The following DYM variants were observed in gnomAD, a reference collection of about 807,000 sequenced individuals.
DYM encodes dyggve-Melchior-Clausen syndrome protein.
A neutral mutation model predicts 93.1 loss-of-function variants in DYM; 78 were observed. That is an observed-to-expected ratio of 0.84 (90% CI 0.70 to 1.01). The LOEUF is 1.01. Among genes scored for constraint, DYM ranks in the 50% least tolerant of loss-of-function variants. DYM has a pLI of 0.00. For synonymous variants in DYM, 321 were observed against 319.7 expected (o/e 1.00, Z -0.04); for missense variants, 789 against 845.0 (o/e 0.93, Z 0.82).
chr18:49,455,998 C>T (rs1179593691), intron 1 of DYM, among the ~76,000 whole-genome samples: 4 of 151,928 alleles, frequency 2.6e-5, no homozygotes, highest in Non-Finnish European at 5.9e-5. Context: ...CCAGTCCTCT[C>T]TTCCTTTTAG....
chr18:49,386,202 G>A (rs1015319828), intron 3 of DYM, among the ~76,000 whole-genome samples: 10 of 151,968 alleles, frequency 6.6e-5, no homozygotes, highest in Admixed American at 3.3e-4. Context: ...TACAATTAAC[G>A]TCAGATTTAT....
intron 16 of DYM, among the ~76,000 whole-genome samples, chr18:49,105,512 T>C (rs1188714337): frequency 6.6e-6 from 1 of 152,248 alleles, no homozygotes; most frequent in East Asian, 1.9e-4. Context: ...GGTGTCAATT[T>C]TAGATCTGTC....
At chr18:49,398,364 A>G (rs913668694) in intron 2 of DYM, among the ~76,000 whole-genome samples, 1 of 152,124 alleles carries the variant, frequency 6.6e-6, no homozygotes, top group Non-Finnish European at 1.5e-5. Context: ...TATGTGCAGC[A>G]TGTCTCCGCT....
chr18:49,089,804 C>T (rs1028182393), intron 17 of DYM, among the ~76,000 whole-genome samples: 1 of 152,140 alleles, frequency 6.6e-6, no homozygotes, highest in African/African-American at 2.4e-5. Flanking sequence ...GACCAGATTC[C>T]TTCTTAGATA....
intron 13 of DYM, among the ~76,000 whole-genome samples, chr18:49,227,565 C>T (rs1158234808): frequency 6.6e-6 from 1 of 152,154 alleles, no homozygotes; most frequent in East Asian, 1.9e-4. Flanking sequence ...CATCCACAGT[C>T]TCTCACCCTT....
chr18:49,168,724 C>G lies in DYM; in HGVS notation c.1626-4937G>C, dbSNP rs151089550. Reference sequence around the variant, plus strand: ...TGAGAAAAAAAAAATTTTTACAATACTGAAATCAGAGAATTCCATGGGTCT... The same window carrying G: ...TGAGAAAAAAAAAATTTTTACAATAGTGAAATCAGAGAATTCCATGGGTCT... On this transcript the variant is annotated intron_variant, in intron 14 of 17. Transcript: ENST00000675505. 4.3e-3 allele frequency among the ~76,000 whole-genome samples: 648 copies of G among 152,220 alleles called. 2 individuals are homozygous for G. Among genetic ancestry groups the G allele is most frequent in the Non-Finnish European group, 5.9e-3 (400 of 68,026 alleles).
At chr18:49,335,342 G>A (rs1314286719) in intron 6 of DYM, among the ~76,000 whole-genome samples, 1 of 152,088 alleles carries the variant, frequency 6.6e-6, no homozygotes, top group Non-Finnish European at 1.5e-5. Flanking sequence ...GCACATGCCT[G>A]TAATCCCAGC....
At chr18:49,282,214 G>C (rs773494766) in intron 9 of DYM, 39 bp from the exon 10 acceptor site, 2 of 1,548,746 alleles carry the variant, frequency 1.3e-6, no homozygotes, top group South Asian at 2.2e-5. Context: ...ATTTCTAGCT[G>C]TGCTTTATAT....
rs141785540 is a variant in DYM at position 49,387,011 on chromosome 18, C to G, written c.193+4582G>C. The stretch of plus-strand genomic sequence containing the variant: ...TAGGCTGAATGTCGTAGTGTGATCA[C>G]AGCTCACTGCAGCCTCAACCTCCCA... On this transcript the variant is annotated intron_variant, in intron 3 of 17. Transcript: ENST00000675505. Among the ~76,000 whole-genome samples, 3 of 150,256 alleles carry G rather than the reference C, an allele frequency of 2.0e-5. No homozygotes were observed. The East Asian group carries it at 5.9e-4, about 30-fold the overall frequency.
At chr18:49,432,200 G>A (rs143252257) in intron 1 of DYM, among the ~76,000 whole-genome samples, 1 of 152,032 alleles carries the variant, frequency 6.6e-6, no homozygotes, top group African/African-American at 2.4e-5. Context: ...GCATGGTGGT[G>A]CATGCCTGTA....
chr18:49,300,211 T>C (rs12604697), intron 8 of DYM, among the ~76,000 whole-genome samples: 12,039 of 151,156 alleles, frequency 0.08, 754 homozygotes, highest in East Asian at 0.31. Context: ...TCAACAATAA[T>C]ATATATTTTG....
intron 11 of DYM, among the ~76,000 whole-genome samples, chr18:49,268,542 C>T (rs2094610974): frequency 6.6e-6 from 1 of 152,086 alleles, no homozygotes; most frequent in African/African-American, 2.4e-5. Flanking sequence ...TAGAAAATAG[C>T]ACAATAAAAA....
chr18:49,280,504 C>T (rs1486565515), intron 10 of DYM, among the ~76,000 whole-genome samples: 2 of 152,078 alleles, frequency 1.3e-5, no homozygotes, highest in African/African-American at 2.4e-5. Flanking sequence ...TGGCAGCGAC[C>T]GAGATGATTT....
chr18:49,388,903 C>T (rs1301218007), intron 3 of DYM, among the ~76,000 whole-genome samples: 2 of 97,750 alleles, frequency 2.0e-5, no homozygotes, highest in Non-Finnish European at 4.1e-5. Context: ...AAAAATAGCA[C>T]ATTTTCAGAC....
At chr18:49,450,274 G>A (rs1240426075) in intron 1 of DYM, among the ~76,000 whole-genome samples, 1 of 152,184 alleles carries the variant, frequency 6.6e-6, no homozygotes, top group East Asian at 1.9e-4. Flanking sequence ...GTTGTAAAGG[G>A]TTTGTAAAGA....
intron 15 of DYM, among the ~76,000 whole-genome samples, chr18:49,162,721 G>A (rs1568522704): frequency 6.6e-6 from 1 of 152,220 alleles, no homozygotes; most frequent in Non-Finnish European, 1.5e-5. Context: ...TGTCTGGTAA[G>A]ACTGGAGTCA....
chr18:49,276,193 T>TGA (rs2094842889), intron 10 of DYM, among the ~76,000 whole-genome samples: 1 of 152,182 alleles, frequency 6.6e-6, no homozygotes, highest in South Asian at 2.1e-4. Flanking sequence ...AAATATGATG[T>TGA]GAGCTGTGGG....
intron 2 of DYM, among the ~76,000 whole-genome samples, chr18:49,423,691 G>A (rs920558894): frequency 2.0e-4 from 30 of 152,030 alleles, no homozygotes; most frequent in African/African-American, 5.8e-4. Context: ...TCAAATAGAC[G>A]CAATAAAAAA....
At chr18:49,239,685 A>G (rs946379635) in intron 13 of DYM, among the ~76,000 whole-genome samples, 5 of 152,136 alleles carry the variant, frequency 3.3e-5, no homozygotes, top group African/African-American at 1.2e-4. Flanking sequence ...ACCTCAACAG[A>G]TCTCCCAGCT....
Sources: allele counts gnomAD v4.1 joint callset (sites outside exome capture counted in the v4.1 genomes callset), GRCh38; gene constraint gnomAD v4.1.1; transcripts MANE v1.5; gene names NCBI Gene and HGNC (gene_info 2026-07-23, HGNC 2026-07-21).